Variants in CFAP418 observed in about 807,000 individuals in gnomAD.
CFAP418 encodes the protein cilia and flagella associated protein 418, also known as cilia- and flagella-associated protein 418.
In CFAP418, 27 loss-of-function variants were observed where a neutral mutation model predicts 24.7. The observed-to-expected ratio is 1.09, with a 90% CI of 0.81 to 1.51. The LOEUF is 1.51. Ranked by LOEUF, CFAP418 falls within the 40% of genes most tolerant of loss-of-function variation. The pLI, the probability that CFAP418 is intolerant of heterozygous loss-of-function variation, is 0.00. For synonymous variants in CFAP418, 74 were observed against 87.3 expected (o/e 0.85, Z 0.85); for missense variants, 257 against 255.2 (o/e 1.01, Z -0.05).
intron 1 of CFAP418, 191 bp downstream of exon 1, chr8:95,268,844 G>C: frequency 1.8e-5 from 11 of 602,844 alleles, no homozygotes; most frequent in Non-Finnish European, 2.9e-5. Flanking sequence ...TGAGTGAAGA[G>C]GTGCCAGAAT....
chr8:95,258,511 CAA>C (rs1222356121), intron 4 of CFAP418, among the ~76,000 whole-genome samples: 1 of 149,416 alleles, frequency 6.7e-6, no homozygotes, highest in Admixed American at 6.6e-5. Flanking sequence ...TAAAAAGAAT[CAA>C]AAGTTAAAAA....
At chr8:95,260,316 T>G (rs1811864218) in intron 3 of CFAP418, 152 bp downstream of exon 3, 1 of 566,948 alleles carries the variant, frequency 1.8e-6, no homozygotes. Context: ...ATAAGAACAC[T>G]GAAGATATTG....
intron 1 of CFAP418, chr8:95,268,791 G>GGGGC (rs1812070117): frequency 7.0e-6 from 2 of 284,284 alleles, no homozygotes; most frequent in South Asian, 2.5e-4. Flanking sequence ...GGGGCGGGGC[G>GGGGC]GGGGCCAGCC....
In CFAP418 at chr8:95,252,266, C is replaced by A; in HGVS notation, c.392G>T (p.Arg131Leu). 3 of 1,613,012 alleles carry A rather than the reference C, an allele frequency of 1.9e-6. No homozygotes were observed. The highest frequency in any genetic ancestry group is 2.5e-6 in the Non-Finnish European group (3 of 1,179,348). ...NISWRACDHL[R>L]CIACDFLVVS... ...TACCAAGAAATCACAGGCTATACAA[C>A]GCAGATGGTCACATGCTCTGTTCAG... Residue 131 changes from arginine to leucine, a missense_variant, in exon 5 of 6, where the codon CGT (arginine) becomes CTT (leucine). Coordinates refer to ENST00000286688, the MANE Select transcript of CFAP418 (RefSeq NM_177965.4).
At chr8:95,247,864 CT>C (rs994612694) in intron 5 of CFAP418, 94 bp from the exon 6 acceptor site, 4 of 1,324,268 alleles carry the variant, frequency 3.0e-6, no homozygotes, top group Admixed American at 2.6e-5. Flanking sequence ...CTTTTCTTTT[CT>C]TTTTTTGTTT....
At chr8:95,264,469 C>A (rs1484159377) in intron 1 of CFAP418, among the ~76,000 whole-genome samples, 2 of 151,972 alleles carry the variant, frequency 1.3e-5, no homozygotes, top group Non-Finnish European at 2.9e-5. Flanking sequence ...TTTATTTAAC[C>A]CCAGTTTTAT....
intron 3 of CFAP418, 88 bp from the exon 4 acceptor site, chr8:95,259,993 T>C: frequency 1.1e-6 from 1 of 944,124 alleles, no homozygotes; most frequent in Non-Finnish European, 1.6e-6. Context: ...ATTTTTGGTT[T>C]TATTGACTTT....
chr8:95,257,220 A>T (rs1338062418), intron 4 of CFAP418, among the ~76,000 whole-genome samples: 1 of 152,160 alleles, frequency 6.6e-6, no homozygotes, highest in East Asian at 1.9e-4. Context: ...CTGAGTTGAG[A>T]CAGGCAATTT....
At chr8:95,260,746 T>A (rs2132162011) in intron 2 of CFAP418, among the ~76,000 whole-genome samples, 1 of 152,282 alleles carries the variant, frequency 6.6e-6, no homozygotes, top group East Asian at 1.9e-4. Context: ...ATTACTCTAC[T>A]AACTTTTAGG....
In CFAP418 at chr8:95,263,711, C is replaced by T. The variant is rs757821731; in HGVS notation, c.219G>A (p.Glu73=). 6.2e-7 allele frequency: 1 copy of T among 1,607,198 alleles called. No individual in the cohort carries two copies. Among genetic ancestry groups the T allele is most frequent in the Non-Finnish European group, 8.5e-7 (1 of 1,174,510 alleles). The stretch of plus-strand genomic sequence containing the variant: ...CAGAGGGTTTTTTGTCCAAGTTGGG[C>T]TCTTCAAGTATTTCATTAATAAGAC... ...LDSLINEILE[E]PNLDKKPSKL... The change falls in exon 2 of 6, where the codon GAG becomes GAA. Residue 73 remains glutamate (E), a synonymous_variant. Coordinates refer to ENST00000286688, the MANE Select transcript of CFAP418 (RefSeq NM_177965.4).
At chr8:95,249,767 C>G (rs557529050) in intron 5 of CFAP418, among the ~76,000 whole-genome samples, 4 of 152,276 alleles carry the variant, frequency 2.6e-5, no homozygotes, top group African/African-American at 9.6e-5. Flanking sequence ...TAACATTTAA[C>G]TTGTCTTTGG....
rs36096184 is a variant in CFAP418, at chr8:95,269,135, G to A, written c.55C>T (p.Pro19Ser). 3 of 1,614,202 alleles carry A rather than the reference G, an allele frequency of 1.9e-6. No individual in the cohort carries two copies. The highest frequency in any genetic ancestry group is 1.7e-5 in the Admixed American group (1 of 60,028). ...ACCATACCCCGTCTTAGAAGGTCAGGTGTGCAAAACTTGGACTCGACTTCA... is the reference window on the plus strand; with the variant it reads ...ACCATACCCCGTCTTAGAAGGTCAGATGTGCAAAACTTGGACTCGACTTCA... ...LDEVESKFCT[P>S]DLLRRGMVEQ... Residue 19 changes from proline to serine, a missense_variant, in exon 1 of 6, where the codon CCT (proline) becomes TCT (serine). Physicochemically the swap from Pro to Ser is moderately conservative, Grantham distance 74. Coordinates refer to ENST00000286688, the MANE Select transcript of CFAP418 (RefSeq NM_177965.4).
intron 4 of CFAP418, among the ~76,000 whole-genome samples, chr8:95,253,461 TA>T (rs1444287343): frequency 6.8e-6 from 1 of 147,234 alleles, no homozygotes; most frequent in Non-Finnish European, 1.5e-5. Flanking sequence ...ATTAAGCACA[TA>T]ATACTTCTGT....
chr8:95,253,022 C>G (rs749270693), intron 4 of CFAP418, among the ~76,000 whole-genome samples: 8 of 152,138 alleles, frequency 5.3e-5, no homozygotes, highest in African/African-American at 1.9e-4. Context: ...GAACATGGAG[C>G]AAAATGGCCG....
Position 95,252,206 on chromosome 8 carries a change from C to T in CFAP418, c.452G>A (p.Cys151Tyr), listed in dbSNP as rs1183026894. Residue 151 changes from cysteine (C) to tyrosine (Y), a missense_variant, in exon 5 of 6, where the codon TGT becomes TAT. Physicochemically the swap from Cys to Tyr is radical, Grantham distance 194 (BLOSUM62 -2). Coordinates refer to ENST00000286688, the MANE Select transcript of CFAP418 (RefSeq NM_177965.4). ...SYDDYMWDKSCDYLFFRNNMP... is the reference protein window; with the variant it reads ...SYDDYMWDKSYDYLFFRNNMP... ...AACATACCTGAAAAACAGATAATCA[C>T]ACGATTTGTCCCACATATAGTCATC... is the stretch of plus-strand genomic sequence containing the variant. 6.2e-7 allele frequency: 1 copy of T among 1,612,178 alleles called. No individual in the cohort carries two copies. The highest frequency in any genetic ancestry group is 8.5e-7 in the Non-Finnish European group (1 of 1,179,118).
chr8:95,267,588 TA>T (rs1812014613), intron 1 of CFAP418, among the ~76,000 whole-genome samples: 1 of 152,094 alleles, frequency 6.6e-6, no homozygotes, highest in East Asian at 1.9e-4. Flanking sequence ...AACTCAAAAA[TA>T]AATAAATAAG....
In CFAP418 at chr8:95,247,582, A is replaced by T; in HGVS notation, c.*35T>A. On this transcript the variant is annotated 3_prime_UTR_variant, in exon 6 of 6. Transcript: ENST00000286688. ...ATGATGATTCATGGAGACCACTCTCATGGATGCATCTGTCCGAATGTGCAG... is the reference window on the plus strand; with the variant it reads ...ATGATGATTCATGGAGACCACTCTCTTGGATGCATCTGTCCGAATGTGCAG... The T allele has an allele frequency of 6.2e-7, 1 of 1,612,864 alleles. No homozygotes were observed. The highest frequency in any genetic ancestry group is 8.5e-7 in the Non-Finnish European group (1 of 1,179,276).
chr8:95,247,826 T>TTAAA, intron 5 of CFAP418, 56 bp from the exon 6 acceptor site: 1 of 1,110,542 alleles, frequency 9.0e-7, no homozygotes, highest in Non-Finnish European at 1.2e-6. Context: ...GCTTAATGAT[T>TTAAA]AAAAAAAAAA....
At chr8:95,259,807 G>C in intron 4 of CFAP418, 33 bp downstream of exon 4, 1 of 1,540,602 alleles carries the variant, frequency 6.5e-7, no homozygotes, top group South Asian at 1.2e-5. Flanking sequence ...AAAAAACCTA[G>C]TAAGAAAGTA....
Sources: allele counts gnomAD v4.1 joint callset (sites outside exome capture counted in the v4.1 genomes callset), GRCh38; gene constraint gnomAD v4.1.1; transcripts MANE v1.5; gene names NCBI Gene and HGNC (gene_info 2026-07-23, HGNC 2026-07-21).